ANO4: variants seen among roughly 807,000 people sequenced by gnomAD.
ANO4 encodes the protein anoctamin 4, also known as anoctamin-4.
ANO4 carries 69 observed loss-of-function variants against 141.9 expected under a neutral mutation model. The ratio of observed to expected loss-of-function variants is 0.49; its 90% CI spans 0.40 to 0.59. The LOEUF is 0.59. Among genes scored for constraint, ANO4 ranks in the 20% least tolerant of loss-of-function variants. The probability of loss-of-function intolerance (pLI) is 0.00; values close to 1 mark genes in which losing one functional copy is unlikely to be tolerated. For synonymous variants in ANO4, 350 were observed against 394.3 expected, an observed-to-expected ratio of 0.89 and a Z score of 1.33; for missense variants, 894 against 1,162.2, an observed-to-expected ratio of 0.77 and a Z score of 3.36.
intron 3 of ANO4, among the ~76,000 whole-genome samples, chr12:100,923,905 T>A (rs2041750993): frequency 6.6e-6 from 1 of 152,354 alleles, no homozygotes; most frequent in East Asian, 1.9e-4. Context: ...GAGCATTTTT[T>A]CATGTGTCTG....
chr12:100,881,300 TA>T (rs1013689150), intron 1 of ANO4, among the ~76,000 whole-genome samples: 19 of 146,838 alleles, frequency 1.3e-4, no homozygotes, highest in African/African-American at 4.0e-4. Context: ...TAAAATAAAA[TA>T]AAAAAAGAAG....
At chr12:100,762,452 G>A (rs1487234964) in intron 3 of ANO4, among the ~76,000 whole-genome samples, 1 of 152,178 alleles carries the variant, frequency 6.6e-6, no homozygotes, top group Non-Finnish European at 1.5e-5. Context: ...AGAATCTCTA[G>A]TGCTTTTGAC....
intron 5 of ANO4, among the ~76,000 whole-genome samples, chr12:100,959,645 C>T (rs943427008): frequency 7.2e-5 from 11 of 152,190 alleles, no homozygotes; most frequent in African/African-American, 2.7e-4. Context: ...CAGCAGCTTT[C>T]CTCCACATGG....
At chr12:100,996,902 C>G (rs79989644) in intron 8 of ANO4, among the ~76,000 whole-genome samples, 1 of 152,164 alleles carries the variant, frequency 6.6e-6, no homozygotes, top group Non-Finnish European at 1.5e-5. Flanking sequence ...CCACTGTTTA[C>G]TAAACAACTC....
At chr12:100,995,249 G>T (rs1373652504) in intron 8 of ANO4, among the ~76,000 whole-genome samples, 2 of 152,100 alleles carry the variant, frequency 1.3e-5, no homozygotes, top group African/African-American at 2.4e-5. Flanking sequence ...TCTTGCAGGA[G>T]GTGAGAAGGG....
intron 1 of ANO4, among the ~76,000 whole-genome samples, chr12:100,795,610 G>A (rs576556030): frequency 5.9e-5 from 9 of 152,262 alleles, no homozygotes; most frequent in African/African-American, 1.2e-4. Context: ...GCTGGCAGAC[G>A]GAGTAGACTG....
At chr12:100,928,428 T>C (rs2041963346) in intron 3 of ANO4, among the ~76,000 whole-genome samples, 1 of 152,100 alleles carries the variant, frequency 6.6e-6, no homozygotes, top group Admixed American at 6.6e-5. Context: ...GTCTGGGAAA[T>C]TGTATTTCCA....
chr12:101,042,958 G>T (rs990249757), intron 12 of ANO4, among the ~76,000 whole-genome samples: 13 of 152,284 alleles, frequency 8.5e-5, no homozygotes, highest in Admixed American at 1.3e-4. Flanking sequence ...AGATCTTGTT[G>T]CAAGGCTGGA....
intron 3 of ANO4, among the ~76,000 whole-genome samples, chr12:100,782,934 A>G (rs2033754139): frequency 6.6e-6 from 1 of 152,276 alleles, no homozygotes; most frequent in African/African-American, 2.4e-5. Flanking sequence ...AATTTTCTTC[A>G]CTTGGATGCT....
chr12:100,914,632 AAAC>A (rs2041253920), intron 2 of ANO4, among the ~76,000 whole-genome samples: 1 of 152,248 alleles, frequency 6.6e-6, no homozygotes, highest in Non-Finnish European at 1.5e-5. Context: ...AATGTTAAAA[AAAC>A]AAGATGGAAC....
intron 1 of ANO4, chr12:100,733,667 C>T (rs1364442179): frequency 9.9e-6 from 6 of 608,278 alleles, no homozygotes; most frequent in Non-Finnish European, 1.8e-5. Context: ...CTACCCGTGT[C>T]ATAGACAAGG....
chr12:100,806,345 G>T (rs1207406121), intron 1 of ANO4, among the ~76,000 whole-genome samples: 3 of 152,058 alleles, frequency 2.0e-5, no homozygotes, highest in African/African-American at 7.2e-5. Context: ...CAAGCATTTT[G>T]ATCTTTGCTA....
intron 2 of ANO4, among the ~76,000 whole-genome samples, chr12:100,906,586 C>G (rs1379311587): frequency 6.6e-6 from 1 of 152,022 alleles, no homozygotes; most frequent in African/African-American, 2.4e-5. Context: ...GAAAAAATTC[C>G]TAGGGACTGA....
intron 3 of ANO4, among the ~76,000 whole-genome samples, chr12:100,749,507 G>T (rs139731145): frequency 3.3e-5 from 5 of 152,254 alleles, no homozygotes; most frequent in Admixed American, 2.0e-4. Flanking sequence ...ATTTCTTGTT[G>T]TTTAATTATC....
At chr12:100,934,875 C>T (rs141739103) in intron 3 of ANO4, among the ~76,000 whole-genome samples, 6 of 152,068 alleles carry the variant, frequency 3.9e-5, no homozygotes, top group South Asian at 4.2e-4. Context: ...AGTTCAGTCA[C>T]GATTTGGCTC....
At chr12:100,974,186 C>T (rs1345485529) in intron 6 of ANO4, among the ~76,000 whole-genome samples, 1 of 152,054 alleles carries the variant, frequency 6.6e-6, no homozygotes, top group African/African-American at 2.4e-5. Flanking sequence ...AGCAATCTGA[C>T]AGAATAAGAC....
At chr12:101,043,947 G>A (rs996811984) in intron 13 of ANO4, among the ~76,000 whole-genome samples, 7 of 152,304 alleles carry the variant, frequency 4.6e-5, no homozygotes, top group South Asian at 4.1e-4. Context: ...CTGGGAATAA[G>A]ATATTTAACT....
chr12:101,109,732 T>C (rs2050591105), intron 22 of ANO4, among the ~76,000 whole-genome samples: 1 of 152,196 alleles, frequency 6.6e-6, no homozygotes, highest in Non-Finnish European at 1.5e-5. Flanking sequence ...TCTTTGATAT[T>C]TCTTGCCTAC....
chr12:100,745,804 T>C (rs900279163), intron 3 of ANO4, among the ~76,000 whole-genome samples: 2 of 152,232 alleles, frequency 1.3e-5, no homozygotes, highest in East Asian at 3.8e-4. Context: ...AATTCTTTGA[T>C]GTAAGAAACA....
Sources: allele counts gnomAD v4.1 joint callset (sites outside exome capture counted in the v4.1 genomes callset), GRCh38; gene constraint gnomAD v4.1.1; transcripts MANE v1.5; gene names NCBI Gene and HGNC (gene_info 2026-07-23, HGNC 2026-07-21).